Variants in KDM6B observed in about 807,000 individuals in gnomAD.
KDM6B encodes lysine-specific demethylase 6B.
KDM6B carries 22 observed loss-of-function variants against 150.4 expected under a neutral mutation model. That is an observed-to-expected ratio of 0.15 (90% confidence interval 0.10 to 0.21). The LOEUF is 0.21. Ranked by LOEUF, KDM6B falls within the 10% of genes least tolerant of loss-of-function variation. KDM6B has a pLI of 1.00. For synonymous variants in KDM6B, 1,148 were observed against 921.1 expected, an observed-to-expected ratio of 1.25 and a Z score of -4.46; for missense variants, 1,984 against 2,234.3, an observed-to-expected ratio of 0.89 and a Z score of 2.26.
rs2151379110 is a variant in KDM6B at position 7,851,233 on chromosome 17, T to C, written c.3879+7T>C. 1 of 1,613,908 alleles carries C rather than the reference T, an allele frequency of 6.2e-7. No homozygotes were observed. The highest frequency in any genetic ancestry group is 8.5e-7 in the Non-Finnish European group (1 of 1,179,960). On this transcript the variant is annotated splice_region_variant and intron_variant, in intron 15 of 23. Transcript: ENST00000448097. ...CTTCCAGGAGTCTCTGCAGGTGAGA[T>C]GAGAACGTGGCCAGAGGCAGGTCCT...
At position 7,851,552 on chromosome 17, in the gene KDM6B, C is replaced by T; in HGVS notation, c.4016+3C>T. ...ATCGACTTGTCTGATGCTAAGCGGT[C>T]AGTGGGGCTGAGGCCAGGGAAGTTG... On this transcript the variant is annotated splice_donor_region_variant and intron_variant, in intron 17 of 23. Coordinates refer to ENST00000448097, the MANE Select transcript of KDM6B (RefSeq NM_001348716.2). 6.2e-7 allele frequency: 1 copy of T among 1,613,794 alleles called. No homozygotes were observed. The highest frequency in any genetic ancestry group is 1.1e-5 in the South Asian group (1 of 91,004).
intron 1 of KDM6B, among the ~76,000 whole-genome samples, chr17:7,834,734 C>T (rs1432173662): frequency 6.6e-6 from 1 of 152,074 alleles, no homozygotes; most frequent in African/African-American, 2.4e-5. Context: ...CAGATGTGGT[C>T]AGACTTGGGT....
At position 7,847,817 on chromosome 17, in the gene KDM6B, G is replaced by C. The variant is rs779498941; in HGVS notation, c.1529G>C (p.Gly510Ala). The C allele has an allele frequency of 1.3e-6, 2 of 1,546,488 alleles. No homozygotes were observed. The highest frequency in any genetic ancestry group is 2.4e-5 in the East Asian group (1 of 41,686). ...ILEELFFGTEGPPRPAPPPLP... is the reference protein window; with the variant it reads ...ILEELFFGTEAPPRPAPPPLP... ...GAAGAGCTCTTCTTTGGGACTGAGGGACCCCCCCGCCCTGCCCCACCACCC... is the reference window on the plus strand; with the variant it reads ...GAAGAGCTCTTCTTTGGGACTGAGGCACCCCCCCGCCCTGCCCCACCACCC... The change falls in exon 12 of 24, where the codon GGA becomes GCA. Residue 510 changes from glycine (G) to alanine (A), a missense_variant. By Grantham distance (60) the Gly-to-Ala change is moderately conservative. Around this residue, in one of 13 missense-constraint regions of KDM6B, gnomAD observed 1,379 missense variants for 1,275.6 expected, o/e 1.08. Coordinates refer to ENST00000448097, the MANE Select transcript of KDM6B (RefSeq NM_001348716.2).
chr17:7,850,823 G>A (rs2078677142), intron 14 of KDM6B, among the ~76,000 whole-genome samples, 198 bp from the exon 15 acceptor site: 1 of 152,364 alleles, frequency 6.6e-6, no homozygotes, highest in Non-Finnish European at 1.5e-5. Context: ...AAAGAGGGCT[G>A]GTGAGGATGC....
Position 7,847,711 on chromosome 17 carries a change from C to A in KDM6B, c.1423C>A (p.Arg475Ser), listed in dbSNP as rs774548555. 2.6e-6 allele frequency: 4 copies of A among 1,532,910 alleles called. No homozygotes were observed. Among genetic ancestry groups the A allele is most frequent in the East Asian group, 4.9e-5 (2 of 40,702 alleles). 95.0% of individuals were successfully genotyped at this position (1,532,910 alleles called of 1,614,324 possible). ...CTCACCCCCTCCACCCCCCTGTCCCCGCCTCTTACGCCCCCCACCACCCCC... is the reference window on the plus strand; with the variant it reads ...CTCACCCCCTCCACCCCCCTGTCCCAGCCTCTTACGCCCCCCACCACCCCC... ...PSSPPPPPCP[R>S]LLRPPPPPAW... The change falls in exon 12 of 24, where the codon CGC (arginine) becomes AGC (serine). Residue 475 changes from arginine to serine, a missense_variant. Transcript: ENST00000448097.
At position 7,845,698 on chromosome 17, in the gene KDM6B, A is replaced by G. The variant is rs770769519; in HGVS notation, c.137+7A>G. On this transcript the variant is annotated splice_region_variant and intron_variant, in intron 5 of 23. Coordinates refer to ENST00000448097, the MANE Select transcript of KDM6B (RefSeq NM_001348716.2). ...CATGGCTGCCTGGAGGCAGGTGAGA[A>G]GTTGGGGCCCTCTGTCTCCAGGCAC... 20 of 1,613,934 alleles carry G rather than the reference A, an allele frequency of 1.2e-5. No homozygotes were observed. The highest frequency in any genetic ancestry group is 1.4e-5 in the Non-Finnish European group (17 of 1,180,004).
In KDM6B at chr17:7,853,543, G is replaced by A; in HGVS notation, c.*22G>A. On this transcript the variant is annotated 3_prime_UTR_variant, in exon 24 of 24. Coordinates refer to ENST00000448097, the MANE Select transcript of KDM6B (RefSeq NM_001348716.2). Reference sequence around the variant, plus strand: ...ATGAGGCCGGACGCCCCGCCCGCCTGCCTGCCCGCGCAAGGCGCCGCGGGG... The same window carrying A: ...ATGAGGCCGGACGCCCCGCCCGCCTACCTGCCCGCGCAAGGCGCCGCGGGG... 1 of 1,429,326 alleles carries A rather than the reference G, an allele frequency of 7.0e-7. No individual in the cohort carries two copies. The allele number at this position is 1,429,326 out of a possible 1,614,324, so 88.5% of individuals were successfully genotyped here. A position where few individuals can be genotyped will look rare whatever the true frequency, so the allele number is the denominator to read the frequency against.
chr17:7,834,863 G>C (rs1024944938), intron 1 of KDM6B, among the ~76,000 whole-genome samples: 1 of 151,748 alleles, frequency 6.6e-6, no homozygotes, highest in East Asian at 1.9e-4. Context: ...GGTAGCCTTC[G>C]CCTTCTTCCC....
In KDM6B at chr17:7,848,123, C is replaced by A; in HGVS notation, c.1835C>A (p.Ser612Tyr). ...LTLALPPAPP[S>Y]SCHQNTSGSF... The stretch of plus-strand genomic sequence containing the variant: ...CTTGCCCTGCCTCCAGCCCCTCCTT[C>A]CTCCTGCCACCAAAATACCTCAGGA... The change falls in exon 12 of 24, where the codon TCC (serine) becomes TAC (tyrosine). Residue 612 changes from serine (S) to tyrosine (Y), a missense_variant. Coordinates refer to ENST00000448097, the MANE Select transcript of KDM6B (RefSeq NM_001348716.2). The A allele has an allele frequency of 6.2e-7, 1 of 1,612,996 alleles. No homozygotes were observed. Among genetic ancestry groups the A allele is most frequent in the Non-Finnish European group, 8.5e-7 (1 of 1,179,906 alleles).
rs779810277 is a variant in KDM6B at position 7,853,136 on chromosome 17, C to T, written c.4737+10C>T. 1.9e-6 allele frequency: 3 copies of T among 1,614,106 alleles called. No homozygotes were observed. Among genetic ancestry groups the T allele is most frequent in the Admixed American group, 1.7e-5 (1 of 60,030 alleles). On this transcript the variant is annotated intron_variant, in intron 22 of 23. Transcript: ENST00000448097. The stretch of plus-strand genomic sequence containing the variant: ...CTGCAACGAGTGCGATGTGAGTGGG[C>T]CGGCTCTGCTGCTCTCCCTGAGTGT...
chr17:7,842,678 G>C (rs1362761664), intron 2 of KDM6B, among the ~76,000 whole-genome samples: 1 of 152,220 alleles, frequency 6.6e-6, no homozygotes, highest in Non-Finnish European at 1.5e-5. Context: ...GAAGACGAGA[G>C]GGGAAATTCC....
chr17:7,851,504 A>G lies in KDM6B; in HGVS notation c.3971A>G (p.His1324Arg). 1.2e-6 allele frequency: 2 copies of G among 1,614,072 alleles called. No homozygotes were observed. Among genetic ancestry groups the G allele is most frequent in the Non-Finnish European group, 1.7e-6 (2 of 1,180,014 alleles). The change falls in exon 17 of 24, where the codon CAC becomes CGC. Residue 1324 changes from histidine (H) to arginine (R), a missense_variant. This residue lies in a region of KDM6B where 41 missense variants were observed against 38.4 expected (regional missense o/e 1.07). Transcript: ENST00000448097. ...AGCGCACCAGACCCGAAGAACCATC[A>G]CATCATCAAGTTTGGCACCAACATC... ...PSSAPDPKNH[H>R]IIKFGTNIDL...
chr17:7,842,427 G>A (rs1227109010), intron 2 of KDM6B, among the ~76,000 whole-genome samples: 3 of 152,232 alleles, frequency 2.0e-5, no homozygotes, highest in African/African-American at 4.8e-5. Flanking sequence ...CGATCTCCCA[G>A]CCTGGCTCTG....
chr17:7,845,000 G>GTGTA lies in KDM6B; in HGVS notation c.-169_-168insTGTA. 1.6e-5 allele frequency: 3 copies of GTGTA among 189,650 alleles called. No individual in the cohort carries two copies. Among genetic ancestry groups the GTGTA allele is most frequent in the South Asian group, 1.8e-4 (2 of 11,394 alleles). The allele number at this position is 189,650 out of a possible 1,614,324, so 11.7% of individuals were successfully genotyped here. The stretch of plus-strand genomic sequence containing the variant: ...TCTGGAGCTTGCCGACGCGGTGTGA[G>GTGTA]GACGCTCCCACGGAGGCCGGGTAAG... On this transcript the variant is annotated 5_prime_UTR_variant, in exon 3 of 24. Transcript: ENST00000448097. This position sits in a 1 kb window ranked among gnomAD's most constrained non-coding sequence, Gnocchi z 5.9.
chr17:7,839,590 G>C (rs2078384646), intron 1 of KDM6B, among the ~76,000 whole-genome samples: 1 of 152,126 alleles, frequency 6.6e-6, no homozygotes, highest in Non-Finnish European at 1.5e-5. Flanking sequence ...ACAGATGTCA[G>C]GGCAGCTGGG....
At chr17:7,834,878 C>T (rs1332963722) in intron 1 of KDM6B, among the ~76,000 whole-genome samples, 1 of 152,076 alleles carries the variant, frequency 6.6e-6, no homozygotes, top group Non-Finnish European at 1.5e-5. Flanking sequence ...CTTCCCACCA[C>T]CCCCCTGCGC....
rs2078451301 is a variant in KDM6B, at chr17:7,843,102, G to A, written c.-268-1799G>A. Among the ~76,000 whole-genome samples the A allele has an allele frequency of 6.6e-6, 1 of 152,144 alleles. No homozygotes were observed. The highest frequency in any genetic ancestry group is 2.4e-5 in the African/African-American group (1 of 41,430). Reference sequence around the variant, plus strand: ...GCTGAGTCAGTTCCCCGTGGGAAAGGGGAAGTGGCAGAGGGGAAGTGTCAT... The same window carrying A: ...GCTGAGTCAGTTCCCCGTGGGAAAGAGGAAGTGGCAGAGGGGAAGTGTCAT... On this transcript the variant is annotated intron_variant, in intron 2 of 23. Transcript: ENST00000448097. This position sits in a 1 kb window ranked among gnomAD's most constrained non-coding sequence, Gnocchi z 4.5.
At position 7,852,616 on chromosome 17, in the gene KDM6B, C is replaced by A. The variant is rs537036708; in HGVS notation, c.4590C>A (p.Pro1530=). The change falls in exon 21 of 24, where the codon CCC becomes CCA. Residue 1530 remains proline, a synonymous_variant. Coordinates refer to ENST00000448097, the MANE Select transcript of KDM6B (RefSeq NM_001348716.2). ...CTCGCACGGTCAAAATCAGCGACCC[C>A]GACTTGTTCAAGATGATCAAGTGAG... ...NVARTVKISD[P]DLFKMIKFCL... The A allele has an allele frequency of 1.2e-6, 2 of 1,613,968 alleles. No homozygotes were observed. Among genetic ancestry groups the A allele is most frequent in the South Asian group, 2.2e-5 (2 of 91,092 alleles).
rs747967832 is a variant in KDM6B, at chr17:7,847,825, C to A, written c.1537C>A (p.Arg513Ser). The A allele has an allele frequency of 7.8e-5, 120 of 1,533,440 alleles. No individual in the cohort carries two copies. The highest frequency in any genetic ancestry group is 9.3e-5 in the Non-Finnish European group (105 of 1,133,384). 95.0% of individuals were successfully genotyped at this position (1,533,440 alleles called of 1,614,324 possible). ...ELFFGTEGPP[R>S]PAPPPLPHRE... ...CTTCTTTGGGACTGAGGGACCCCCCCGCCCTGCCCCACCACCCCTCCCCCA... is the reference window on the plus strand; with the variant it reads ...CTTCTTTGGGACTGAGGGACCCCCCAGCCCTGCCCCACCACCCCTCCCCCA... Residue 513 changes from arginine (R) to serine (S), a missense_variant, in exon 12 of 24, where the codon CGC becomes AGC. By Grantham distance (110) the Arg-to-Ser change is moderately radical. Transcript: ENST00000448097.
Sources: gnomAD v4.1 joint callset for allele counts (sites outside exome capture counted in the v4.1 genomes callset) on GRCh38, gnomAD v4.1.1 for gene constraint, gnomAD v4.1.1 regional missense constraint, Gnocchi (gnomAD v3.1) non-coding constraint, MANE v1.5 for transcripts, NCBI Gene and HGNC (gene_info 2026-07-23, HGNC 2026-07-21) for gene names.